ITFG1: variants seen among roughly 807,000 people sequenced by gnomAD.
ITFG1 encodes the protein integrin alpha FG-GAP repeat containing 1.
In ITFG1, 34 loss-of-function variants were observed where a neutral mutation model predicts 81.8. The ratio of observed to expected loss-of-function variants is 0.42; its 90% CI spans 0.32 to 0.55. ITFG1 has a LOEUF of 0.55. ITFG1 is among the 20% of genes least tolerant of loss of function. ITFG1 has a pLI of 0.17. For synonymous variants in ITFG1, 285 were observed against 270.6 expected (o/e 1.05, Z -0.52); for missense variants, 672 against 755.4 (o/e 0.89, Z 1.29).
At chr16:47,173,128 G>T (rs1482683575) in intron 14 of ITFG1, among the ~76,000 whole-genome samples, 1 of 152,110 alleles carries the variant, frequency 6.6e-6, no homozygotes, top group East Asian at 1.9e-4. Flanking sequence ...TTGTTCAAAT[G>T]ATATGTTCTC....
intron 8 of ITFG1, among the ~76,000 whole-genome samples, chr16:47,330,367 T>C (rs1440671827): frequency 6.6e-6 from 1 of 152,042 alleles, no homozygotes; most frequent in Non-Finnish European, 1.5e-5. Flanking sequence ...AAATACTCTT[T>C]GGGACATGTC....
intron 6 of ITFG1, among the ~76,000 whole-genome samples, chr16:47,391,149 A>G (rs770723592): frequency 6.6e-6 from 1 of 152,160 alleles, no homozygotes; most frequent in South Asian, 2.1e-4. Context: ...CAAAGGTGGG[A>G]AAGGGACATG....
chr16:47,266,244 G>A (rs1966273980), intron 10 of ITFG1, among the ~76,000 whole-genome samples: 1 of 152,074 alleles, frequency 6.6e-6, no homozygotes, highest in African/African-American at 2.4e-5. Context: ...TTGTGATGGA[G>A]TCTCGCTCTG....
intron 8 of ITFG1, among the ~76,000 whole-genome samples, chr16:47,365,294 C>A (rs1300813722): frequency 6.6e-6 from 1 of 152,150 alleles, no homozygotes; most frequent in Non-Finnish European, 1.5e-5. Flanking sequence ...AAGTTCCTGA[C>A]CAATGTGAAC....
chr16:47,440,833 G>A (rs373960515), intron 5 of ITFG1, among the ~76,000 whole-genome samples: 3 of 152,096 alleles, frequency 2.0e-5, no homozygotes, highest in Admixed American at 6.6e-5. Context: ...AAATAACTAA[G>A]ATCAGAGCAG....
At chr16:47,413,319 T>A (rs1968834119) in intron 6 of ITFG1, among the ~76,000 whole-genome samples, 1 of 152,224 alleles carries the variant, frequency 6.6e-6, no homozygotes, top group Admixed American at 6.5e-5. Flanking sequence ...TTAAGGGAAT[T>A]CATTCCCACT....
chr16:47,365,099 G>T (rs1460721748), intron 8 of ITFG1, among the ~76,000 whole-genome samples: 5 of 152,336 alleles, frequency 3.3e-5, no homozygotes, highest in African/African-American at 9.6e-5. Flanking sequence ...ATATGAAGAA[G>T]CTGAGGTATC....
intron 14 of ITFG1, among the ~76,000 whole-genome samples, chr16:47,166,734 T>G (rs1035206420): frequency 2.0e-5 from 3 of 150,498 alleles, no homozygotes; most frequent in Non-Finnish European, 4.4e-5. Context: ...ATTTTCCTAA[T>G]CCTTCACTAT....
intron 13 of ITFG1, 35 bp downstream of exon 13, chr16:47,237,930 A>T (rs1965894527): frequency 1.1e-6 from 1 of 925,474 alleles, no homozygotes. Context: ...TAGAATTTTC[A>T]TAGACATATT....
At chr16:47,231,072 G>A (rs1323414165) in intron 13 of ITFG1, among the ~76,000 whole-genome samples, 1 of 152,172 alleles carries the variant, frequency 6.6e-6, no homozygotes, top group African/African-American at 2.4e-5. Flanking sequence ...TTAAGCACCA[G>A]CCCCTCTGTT....
At chr16:47,342,838 A>T (rs1967802712) in intron 8 of ITFG1, among the ~76,000 whole-genome samples, 1 of 152,142 alleles carries the variant, frequency 6.6e-6, no homozygotes. Flanking sequence ...ACATTCCTGA[A>T]AATTCAAATT....
chr16:47,385,411 T>C (rs1968448983), intron 6 of ITFG1, among the ~76,000 whole-genome samples: 1 of 152,186 alleles, frequency 6.6e-6, no homozygotes, highest in Admixed American at 6.5e-5. Flanking sequence ...TTCTGAGAAG[T>C]AAATAATTTC....
intron 10 of ITFG1, among the ~76,000 whole-genome samples, chr16:47,298,276 A>G (rs892595705): frequency 1.2e-4 from 18 of 151,924 alleles, no homozygotes; most frequent in Admixed American, 1.2e-3. Context: ...TATTTCCATG[A>G]GATTCTTTAC....
At chr16:47,312,504 G>C (rs562060326) in intron 9 of ITFG1, 1 of 146,894 alleles carries the variant, frequency 6.8e-6, no homozygotes, top group Non-Finnish European at 1.5e-5. Flanking sequence ...TACAGAAAAT[G>C]AGTTTTTTTA....
intron 5 of ITFG1, among the ~76,000 whole-genome samples, chr16:47,441,119 A>G (rs1168311654): frequency 6.6e-6 from 1 of 152,208 alleles, no homozygotes; most frequent in Non-Finnish European, 1.5e-5. Context: ...CCCTCCCAAG[A>G]CTAAACCAGG....
chr16:47,296,720 G>A (rs1966987488), intron 10 of ITFG1, among the ~76,000 whole-genome samples: 1 of 152,196 alleles, frequency 6.6e-6, no homozygotes, highest in Non-Finnish European at 1.5e-5. Flanking sequence ...ACAGGCTTGG[G>A]CCACCGCGCC....
chr16:47,344,215 T>A (rs1567467645), intron 8 of ITFG1, among the ~76,000 whole-genome samples: 1 of 152,230 alleles, frequency 6.6e-6, no homozygotes, highest in African/African-American at 2.4e-5. Flanking sequence ...ACAGTGTGAA[T>A]GTAATTAATG....
intron 12 of ITFG1, among the ~76,000 whole-genome samples, chr16:47,251,218 C>G (rs568398544): frequency 4.6e-4 from 70 of 152,296 alleles, no homozygotes; most frequent in African/African-American, 1.6e-3. Flanking sequence ...AGGAGTAAGT[C>G]AGGGCTCTTG....
chr16:47,315,778 T>TATATATATATATATATATATATATATAC (rs1303718198), intron 8 of ITFG1, among the ~76,000 whole-genome samples: 17 of 151,218 alleles, frequency 1.1e-4, no homozygotes, highest in African/African-American at 3.2e-4. Context: ...CATATATATA[T>TATATATATATATATATATATATATATAC]ACACATATAT....
Sources: allele counts gnomAD v4.1 joint callset (sites outside exome capture counted in the v4.1 genomes callset), GRCh38; gene constraint gnomAD v4.1.1; transcripts MANE v1.5; gene names NCBI Gene and HGNC (gene_info 2026-07-23, HGNC 2026-07-21).